LIPC: variants seen among roughly 807,000 people sequenced by gnomAD.
The protein encoded by LIPC is lipase C, hepatic type.
LIPC carries 44 observed loss-of-function variants against 50.7 expected under a neutral mutation model. The ratio of observed to expected loss-of-function variants is 0.87; its 90% confidence interval spans 0.68 to 1.11. The LOEUF is 1.11. Among genes scored for constraint, LIPC ranks in the 50% most tolerant of loss-of-function variants. LIPC has a pLI of 0.00. For missense variants in LIPC, 697 were observed against 648.2 expected (o/e 1.08, Z -0.82); for synonymous variants, 271 against 256.4 (o/e 1.06, Z -0.54).
intron 1 of LIPC, among the ~76,000 whole-genome samples, chr15:58,510,360 C>A (rs1377126558): frequency 6.6e-6 from 1 of 152,210 alleles, no homozygotes; most frequent in Admixed American, 6.5e-5. Flanking sequence ...AGTGGCAGTG[C>A]ATGGCTTGAG....
At chr15:58,568,101 A>G (rs1051122066) in intron 8 of LIPC, among the ~76,000 whole-genome samples, 1 of 152,244 alleles carries the variant, frequency 6.6e-6, no homozygotes, top group Non-Finnish European at 1.5e-5. Context: ...AAATAATAAC[A>G]CAAAATGGTA....
chr15:58,442,202 A>G (rs1893531373), intron 1 of LIPC, among the ~76,000 whole-genome samples: 1 of 152,208 alleles, frequency 6.6e-6, no homozygotes, highest in African/African-American at 2.4e-5. Context: ...TAGAATGGTC[A>G]TCGTGGTGCC....
At chr15:58,438,709 G>T (rs1893398800) in intron 1 of LIPC, among the ~76,000 whole-genome samples, 1 of 152,190 alleles carries the variant, frequency 6.6e-6, no homozygotes, top group Non-Finnish European at 1.5e-5. Flanking sequence ...CCCCACAGAA[G>T]GTGCAATTCC....
At chr15:58,469,114 G>GTA (rs1181927658) in intron 1 of LIPC, among the ~76,000 whole-genome samples, 1 of 146,646 alleles carries the variant, frequency 6.8e-6, no homozygotes, top group Non-Finnish European at 1.5e-5. Flanking sequence ...GTGTGTGTGT[G>GTA]TGTGTGTGTG....
chr15:58,538,319 A>T lies in LIPC; in HGVS notation c.89-14A>T, dbSNP rs370218629. 10 of 1,613,920 alleles carry T rather than the reference A, an allele frequency of 6.2e-6. No homozygotes were observed. Among genetic ancestry groups the T allele is most frequent in the Non-Finnish European group, 8.5e-6 (10 of 1,179,910 alleles). ...GATGCCAGGCTAAGCACCGTCCCCA[A>T]TCTTATATTGCAGAGCCATTTGGAA... On this transcript the variant is annotated splice_polypyrimidine_tract_variant and intron_variant, in intron 1 of 8. Coordinates refer to ENST00000299022, the MANE Select transcript of LIPC (RefSeq NM_000236.3).
rs1425190112 is a variant in LIPC at position 58,542,612 on chromosome 15, A to G, written c.535A>G (p.Ser179Gly). The G allele has an allele frequency of 6.2e-7, 1 of 1,613,744 alleles. No individual in the cohort carries two copies. The highest frequency in any genetic ancestry group is 8.5e-7 in the Non-Finnish European group (1 of 1,179,798). The stretch of plus-strand genomic sequence containing the variant: ...TGCACACGTGTCAGGATTTGCCGGC[A>G]GTTCCATCGGTGGAACGCACAAGAT... Reference protein sequence around the residue: ...LGAHVSGFAGSSIGGTHKIGR... With the variant: ...LGAHVSGFAGGSIGGTHKIGR... The change falls in exon 4 of 9, where the codon AGT (serine) becomes GGT (glycine). Residue 179 changes from serine to glycine, a missense_variant. By Grantham distance (56) the Ser-to-Gly change is moderately conservative. Coordinates refer to ENST00000299022, the MANE Select transcript of LIPC (RefSeq NM_000236.3).
At chr15:58,563,890 C>G in intron 8 of LIPC, 167 bp downstream of exon 8, 1 of 676,478 alleles carries the variant, frequency 1.5e-6, no homozygotes, top group Non-Finnish European at 2.7e-6. Context: ...CTTTACACAG[C>G]CACAGGTGCC....
At chr15:58,547,553 G>C (rs1156455271) in intron 5 of LIPC, among the ~76,000 whole-genome samples, 1 of 151,738 alleles carries the variant, frequency 6.6e-6, no homozygotes, top group African/African-American at 2.4e-5. Flanking sequence ...TTTACAGCAA[G>C]TGTTTCACAT....
intron 1 of LIPC, among the ~76,000 whole-genome samples, chr15:58,466,842 T>G (rs1448139485): frequency 6.6e-6 from 1 of 152,224 alleles, no homozygotes; most frequent in Non-Finnish European, 1.5e-5. Context: ...CACACAGTAC[T>G]TACTGTAATC....
intron 1 of LIPC, among the ~76,000 whole-genome samples, chr15:58,513,887 G>T (rs1423860276): frequency 6.6e-6 from 1 of 152,148 alleles, no homozygotes; most frequent in Admixed American, 6.5e-5. Flanking sequence ...AAACCTCGGG[G>T]CCATTTGCTC....
At chr15:58,459,678 T>G (rs936960) in intron 1 of LIPC, among the ~76,000 whole-genome samples, 134,427 of 152,284 alleles carry the variant, frequency 0.88, 59,624 homozygotes, top group East Asian at 1. Flanking sequence ...ACACTGGGAT[T>G]GAAAATCAGC....
chr15:58,549,337 G>A (rs1372145693), intron 6 of LIPC, among the ~76,000 whole-genome samples: 5 of 152,194 alleles, frequency 3.3e-5, no homozygotes, highest in Non-Finnish European at 7.3e-5. Context: ...CTCCAGTGCT[G>A]GGAGAAGAAA....
At chr15:58,528,953 T>C (rs1380460855) in intron 1 of LIPC, among the ~76,000 whole-genome samples, 1 of 152,158 alleles carries the variant, frequency 6.6e-6, no homozygotes, top group Non-Finnish European at 1.5e-5. Flanking sequence ...AGCAGTAACT[T>C]CATGAGGTAG....
rs766888460 is a variant in LIPC, at chr15:58,548,453, G to T, written c.932G>T (p.Gly311Val). Reference protein sequence around the residue: ...PCGDMNSFSQGLCLSCKKGRC... With the variant: ...PCGDMNSFSQVLCLSCKKGRC... ...GGTGACATGAACAGCTTCAGCCAGG[G>T]CCTGTGCCTGAGCTGCAAGAAGGGC... The change falls in exon 6 of 9, where the codon GGC becomes GTC. Residue 311 changes from glycine to valine, a missense_variant. Coordinates refer to ENST00000299022, the MANE Select transcript of LIPC (RefSeq NM_000236.3). 1 of 1,613,644 alleles carries T rather than the reference G, an allele frequency of 6.2e-7. No homozygotes were observed. The highest frequency in any genetic ancestry group is 2.2e-5 in the East Asian group (1 of 44,870).
intron 1 of LIPC, among the ~76,000 whole-genome samples, chr15:58,468,531 G>A (rs118171384): frequency 9.2e-5 from 14 of 152,186 alleles, no homozygotes; most frequent in Non-Finnish European, 1.8e-4. Flanking sequence ...TAGCCCTGCC[G>A]CCCACTCGAG....
chr15:58,567,359 GTATATGTATA>G (rs1352588379), intron 8 of LIPC, among the ~76,000 whole-genome samples: 3 of 26,750 alleles, frequency 1.1e-4, no homozygotes, highest in Admixed American at 5.4e-4. Context: ...ATATATATAT[GTATATGTATA>G]TATATATATA....
chr15:58,459,924 C>G (rs867991811), intron 1 of LIPC, among the ~76,000 whole-genome samples: 2 of 152,228 alleles, frequency 1.3e-5, no homozygotes, highest in African/African-American at 4.8e-5. Flanking sequence ...AGAACGGTAG[C>G]CAGTTGGTGG....
At chr15:58,520,121 T>TG (rs1243856289) in intron 1 of LIPC, among the ~76,000 whole-genome samples, 7 of 114,774 alleles carry the variant, frequency 6.1e-5, no homozygotes, top group Non-Finnish European at 1.1e-4. Flanking sequence ...TGTTTTTTTT[T>TG]TGTTTTTTTT....
chr15:58,443,516 T>A (rs1294173505), intron 1 of LIPC, among the ~76,000 whole-genome samples: 1 of 152,202 alleles, frequency 6.6e-6, no homozygotes, highest in African/African-American at 2.4e-5. Context: ...ACTTTTAAGG[T>A]CACCAGGGAT....
Sources: gnomAD v4.1 joint callset for allele counts (sites outside exome capture counted in the v4.1 genomes callset) on GRCh38, gnomAD v4.1.1 for gene constraint, MANE v1.5 for transcripts, NCBI Gene and HGNC (gene_info 2026-07-23, HGNC 2026-07-21) for gene names.